GNA13: variants seen among roughly 807,000 people sequenced by gnomAD.
GNA13 encodes the protein guanine nucleotide-binding protein subunit alpha-13.
Under a neutral mutation model 33.5 loss-of-function variants are expected in GNA13, and 4 were observed. That is an observed-to-expected ratio of 0.12 (90% confidence interval 0.06 to 0.27). The LOEUF is 0.27. Ranked by LOEUF, GNA13 falls within the 10% of genes least tolerant of loss-of-function variation. The pLI is 1.00. For missense variants in GNA13, 319 were observed against 487.2 expected, an observed-to-expected ratio of 0.65 and a Z score of 3.25; for synonymous variants, 176 against 183.8, an observed-to-expected ratio of 0.96 and a Z score of 0.34.
At chr17:65,053,079 A>G (rs1907912981) in intron 2 of GNA13, 2 of 159,922 alleles carry the variant, frequency 1.3e-5, no homozygotes, top group Non-Finnish European at 2.7e-5. Flanking sequence ...TTTTGGATAG[A>G]TACATTAAAT....
chr17:65,054,892 A>G (rs1257256415), intron 1 of GNA13, among the ~76,000 whole-genome samples: 1 of 152,206 alleles, frequency 6.6e-6, no homozygotes, highest in African/African-American at 2.4e-5. Flanking sequence ...GTTTTGAGCT[A>G]AACATTACAG....
intron 1 of GNA13, 50 bp downstream of exon 1, chr17:65,056,254 CGCCGCCG>C: frequency 4.4e-5 from 49 of 1,118,604 alleles, no homozygotes; most frequent in Non-Finnish European, 6.0e-5. Context: ...GCCCCGCACC[CGCCGCCG>C]CCCCAGCCCC....
rs563100084 is a variant in GNA13, at chr17:65,016,515, C to T, written c.562-1686G>A. Among the ~76,000 whole-genome samples, 364 of 152,246 alleles carry T rather than the reference C, an allele frequency of 2.4e-3. 3 individuals carry two copies. Among genetic ancestry groups the T allele is most frequent in the Middle Eastern group, 6.8e-3 (2 of 294 alleles). On this transcript the variant is annotated intron_variant, in intron 3 of 3. Coordinates refer to ENST00000439174, the MANE Select transcript of GNA13 (RefSeq NM_006572.6). ...AGCTGGGATTACAGGTGTGCACCAC[C>T]ACGGCCGGCTACTTCTTTGTATTTC...
intron 2 of GNA13, 107 bp downstream of exon 2, chr17:65,053,394 AC>A: frequency 1.4e-6 from 1 of 711,378 alleles, no homozygotes; most frequent in South Asian, 1.6e-5. Flanking sequence ...CATCTCAAAT[AC>A]TTTTAGATTT....
At chr17:65,040,017 T>C (rs1398056581) in intron 2 of GNA13, among the ~76,000 whole-genome samples, 1 of 152,122 alleles carries the variant, frequency 6.6e-6, no homozygotes, top group Admixed American at 6.5e-5. Flanking sequence ...TAATTACATA[T>C]ACAAATATCA....
At chr17:65,017,187 C>T (rs772791408) in intron 3 of GNA13, among the ~76,000 whole-genome samples, 88 of 152,306 alleles carry the variant, frequency 5.8e-4, no homozygotes, top group Non-Finnish European at 9.8e-4. Context: ...CCTATGCCAG[C>T]TCCTTCAGAA....
rs918370073 is a variant in GNA13 at position 65,056,531 on chromosome 17, C to A, written c.63G>T (p.Thr21=). 1 of 1,613,116 alleles carries A rather than the reference C, an allele frequency of 6.2e-7. No individual in the cohort carries two copies. Among genetic ancestry groups the A allele is most frequent in the Non-Finnish European group, 8.5e-7 (1 of 1,179,794 alleles). ...LSVCFPGCLL[T]SGEAEQQRKS... is the part of the protein sequence containing the mutation. Reference sequence around the variant, plus strand: ...TGCGTTGCTGCTCGGCCTCGCCACTCGTCAGCAGGCAGCCGGGGAAGCACA... The same window carrying A: ...TGCGTTGCTGCTCGGCCTCGCCACTAGTCAGCAGGCAGCCGGGGAAGCACA... The change falls in exon 1 of 4, where the codon ACG becomes ACT. Residue 21 remains threonine, a synonymous_variant. Coordinates refer to ENST00000439174, the MANE Select transcript of GNA13 (RefSeq NM_006572.6).
At chr17:65,019,838 T>C (rs533253252) in intron 2 of GNA13, among the ~76,000 whole-genome samples, 1 of 152,346 alleles carries the variant, frequency 6.6e-6, no homozygotes, top group East Asian at 1.9e-4. Context: ...ATTGGATTGT[T>C]TGTAACATAA....
At chr17:65,047,834 A>T (rs984957842) in intron 2 of GNA13, among the ~76,000 whole-genome samples, 1 of 151,926 alleles carries the variant, frequency 6.6e-6, no homozygotes, top group Admixed American at 6.6e-5. Flanking sequence ...ATAAATAAAT[A>T]AAAAAAATTA....
chr17:65,031,896 A>AGAAAGAGAG (rs1907040820), intron 2 of GNA13, among the ~76,000 whole-genome samples: 12 of 71,410 alleles, frequency 1.7e-4, no homozygotes, highest in Non-Finnish European at 3.6e-4. Flanking sequence ...GAGAGAGAGA[A>AGAAAGAGAG]AGAGAGAGAG....
intron 2 of GNA13, among the ~76,000 whole-genome samples, chr17:65,047,446 T>A (rs539420711): frequency 3.3e-5 from 5 of 152,280 alleles, no homozygotes; most frequent in Non-Finnish European, 2.9e-5. Flanking sequence ...TTATATATAA[T>A]CTTTATTTTA....
chr17:65,033,046 G>A (rs933041335), intron 2 of GNA13, among the ~76,000 whole-genome samples: 1 of 151,974 alleles, frequency 6.6e-6, no homozygotes, highest in African/African-American at 2.4e-5. Flanking sequence ...AGGAGGCAGA[G>A]GTTGCAGTGA....
chr17:65,032,236 G>A (rs1016363961), intron 2 of GNA13, among the ~76,000 whole-genome samples: 3 of 152,166 alleles, frequency 2.0e-5, no homozygotes, highest in African/African-American at 7.2e-5. Flanking sequence ...TCAACCCGAG[G>A]ATATGGCTAG....
intron 2 of GNA13, among the ~76,000 whole-genome samples, chr17:65,034,647 T>A (rs1021945544): frequency 2.0e-5 from 3 of 152,156 alleles, no homozygotes; most frequent in African/African-American, 7.2e-5. Context: ...ATTTCCGTAG[T>A]CCTATCAAAT....
At chr17:65,055,834 G>A in intron 1 of GNA13, 3 of 838,974 alleles carry the variant, frequency 3.6e-6, no homozygotes, top group Non-Finnish European at 4.3e-6. Context: ...AGTTGGGAGC[G>A]CATGCGACCC....
At chr17:65,040,487 T>C (rs1907414451) in intron 2 of GNA13, among the ~76,000 whole-genome samples, 1 of 152,180 alleles carries the variant, frequency 6.6e-6, no homozygotes. Flanking sequence ...TTTGCAACTT[T>C]GTGAACATAC....
intron 1 of GNA13, chr17:65,055,823 G>T: frequency 1.1e-5 from 10 of 933,004 alleles, no homozygotes; most frequent in Non-Finnish European, 1.3e-5. Context: ...AGGAAGCAGG[G>T]AGTTGGGAGC....
intron 2 of GNA13, among the ~76,000 whole-genome samples, chr17:65,032,450 T>C (rs1221241866): frequency 6.6e-6 from 1 of 152,236 alleles, no homozygotes; most frequent in Non-Finnish European, 1.5e-5. Flanking sequence ...TTTAAGTTTA[T>C]TCACAGCTTT....
chr17:65,047,633 T>C (rs1907713201), intron 2 of GNA13, among the ~76,000 whole-genome samples: 1 of 149,848 alleles, frequency 6.7e-6, no homozygotes, highest in African/African-American at 2.4e-5. Context: ...AAATCCAAAT[T>C]AGCATTAATT....
Sources: allele counts gnomAD v4.1 joint callset (sites outside exome capture counted in the v4.1 genomes callset), GRCh38; gene constraint gnomAD v4.1.1; transcripts MANE v1.5; gene names NCBI Gene and HGNC (gene_info 2026-07-23, HGNC 2026-07-21).